SUMF1: variants seen among roughly 807,000 people sequenced by gnomAD.
The protein encoded by SUMF1 is sulfatase modifying factor 1, also known as formylglycine-generating enzyme.
Under a neutral mutation model 47.6 loss-of-function variants are expected in SUMF1, and 48 were observed. The observed-to-expected ratio is 1.01, with a 90% CI of 0.80 to 1.28. The LOEUF is 1.28. Among genes scored for constraint, SUMF1 ranks in the 50% most tolerant of loss-of-function variants. The pLI is 0.00. For missense variants in SUMF1, 571 were observed against 485.4 expected, an observed-to-expected ratio of 1.18 and a Z score of -1.66; for synonymous variants, 230 against 192.1, an observed-to-expected ratio of 1.20 and a Z score of -1.63.
At chr3:4,370,092 A>C (rs1284277596) in intron 8 of SUMF1, among the ~76,000 whole-genome samples, 11 of 152,184 alleles carry the variant, frequency 7.2e-5, no homozygotes, top group Admixed American at 6.5e-5. Flanking sequence ...TGCAGGAAGG[A>C]AAATAGGGAA....
At chr3:4,108,494 T>G (rs993746464) in intron 8 of SUMF1, among the ~76,000 whole-genome samples, 25 of 152,022 alleles carry the variant, frequency 1.6e-4, no homozygotes, top group Admixed American at 5.9e-4. Context: ...CTTTCTGTCT[T>G]GTTGATCTGT....
chr3:4,320,391 G>A (rs1018079096), intron 8 of SUMF1, among the ~76,000 whole-genome samples: 11 of 152,180 alleles, frequency 7.2e-5, no homozygotes, highest in African/African-American at 2.7e-4. Flanking sequence ...TCCCTCTGGA[G>A]GTTTGATAAT....
chr3:4,316,236 A>C (rs1430488144), intron 8 of SUMF1: 2 of 734,108 alleles, frequency 2.7e-6, no homozygotes, highest in African/African-American at 3.5e-5. Context: ...GTTAGACAAA[A>C]AGCAAATTCG....
At chr3:4,065,218 C>T (rs1382120075) in intron 9 of SUMF1, among the ~76,000 whole-genome samples, 1 of 150,226 alleles carries the variant, frequency 6.7e-6, no homozygotes, top group Middle Eastern at 3.4e-3. Context: ...TTTCTCACTG[C>T]TTTTTTGCTT....
chr3:4,337,844 C>G (rs1699186821), intron 8 of SUMF1, among the ~76,000 whole-genome samples: 1 of 150,124 alleles, frequency 6.7e-6, no homozygotes, highest in African/African-American at 2.5e-5. Flanking sequence ...ATCTGTATCT[C>G]CTACCCAACT....
chr3:4,271,512 TAGATAG>T (rs889064311), intron 8 of SUMF1, among the ~76,000 whole-genome samples: 1 of 115,332 alleles, frequency 8.7e-6, no homozygotes, highest in African/African-American at 2.9e-5. Context: ...GATAGATAGA[TAGATAG>T]ATACAGAGAG....
chr3:4,258,596 T>TA lies in SUMF1; in HGVS notation c.1014+117733dup, dbSNP rs1420902036. ...TCACACCAGTTAGAATGGCAATCAC[T>TA]AAAAAATCAGGAAACAACAGGTGCT... On this transcript the variant is annotated intron_variant and NMD_transcript_variant, in intron 8 of 12. Coordinates refer to the SUMF1 transcript ENST00000448413. Among the ~76,000 whole-genome samples the TA allele has an allele frequency of 3.9e-5, 6 of 152,182 alleles. No individual in the cohort carries two copies. In the East Asian group the frequency reaches 9.7e-4, roughly 24 times the overall value.
intron 8 of SUMF1, among the ~76,000 whole-genome samples, chr3:4,286,189 T>C (rs1474285513): frequency 6.6e-6 from 1 of 152,092 alleles, no homozygotes; most frequent in East Asian, 1.9e-4. Flanking sequence ...GTAATAAGTA[T>C]GTAGCTTTTT....
chr3:4,289,561 A>G (rs1329136433), intron 8 of SUMF1, among the ~76,000 whole-genome samples: 2 of 152,164 alleles, frequency 1.3e-5, no homozygotes, highest in Non-Finnish European at 2.9e-5. Flanking sequence ...GCAAGTATAT[A>G]TCTTAATTAT....
At chr3:4,279,633 G>A (rs547852412) in intron 8 of SUMF1, among the ~76,000 whole-genome samples, 1 of 152,082 alleles carries the variant, frequency 6.6e-6, no homozygotes, top group Admixed American at 6.5e-5. Flanking sequence ...GTTCATCACA[G>A]CAGAGCTGGA....
At chr3:4,127,305 T>C (rs893935904) in intron 8 of SUMF1, among the ~76,000 whole-genome samples, 4 of 152,232 alleles carry the variant, frequency 2.6e-5, no homozygotes, top group South Asian at 2.1e-4. Context: ...GTGGTTAATA[T>C]TGGGTGTCAA....
Position 4,169,678 on chromosome 3 carries a change from C to T in SUMF1, c.1015-100933G>A, listed in dbSNP as rs185091577. Among the ~76,000 whole-genome samples the T allele has an allele frequency of 5.3e-5, 8 of 152,248 alleles. No homozygotes were observed. The East Asian group carries it at 1.5e-3, about 29-fold the overall frequency. On this transcript the variant is annotated intron_variant and NMD_transcript_variant, in intron 8 of 12. Transcript: ENST00000448413. ...AATGCAATCACCGTTACCAATACCCCGTTTGGGGCTGACAATCTGCAGTGA... is the reference window on the plus strand; with the variant it reads ...AATGCAATCACCGTTACCAATACCCTGTTTGGGGCTGACAATCTGCAGTGA...
At chr3:4,245,934 G>C (rs899871810) in intron 8 of SUMF1, among the ~76,000 whole-genome samples, 2 of 151,816 alleles carry the variant, frequency 1.3e-5, no homozygotes, top group African/African-American at 4.8e-5. Flanking sequence ...TTTACACTGA[G>C]CATAGAACTG....
Position 4,417,241 on chromosome 3 carries a change from GTC to G in SUMF1, c.726-1_726del, listed in dbSNP as rs1575196325. ...TGCAGTTTGTTGCCCCAGGGGAAAAGTCTGTCAGAAGAGACACAGGCATCAGC... is the reference window on the plus strand; with the variant it reads ...TGCAGTTTGTTGCCCCAGGGGAAAAGTGTCAGAAGAGACACAGGCATCAGC... On this transcript the variant is annotated splice_acceptor_variant and coding_sequence_variant, in exon 6 of 9. Coordinates refer to ENST00000272902, the MANE Select transcript of SUMF1 (RefSeq NM_182760.4). LOFTEE classifies it high-confidence loss of function. The G allele has an allele frequency of 5.6e-6, 9 of 1,613,764 alleles. No homozygotes were observed. Among genetic ancestry groups the G allele is most frequent in the Non-Finnish European group, 6.8e-6 (8 of 1,179,828 alleles).
chr3:4,464,999 G>T (rs144482119), intron 1 of SUMF1, among the ~76,000 whole-genome samples: 40 of 152,274 alleles, frequency 2.6e-4, no homozygotes, highest in African/African-American at 8.9e-4. Context: ...TAATCCAAAA[G>T]ATTCTAACAT....
At chr3:4,322,175 G>A (rs1161924428) in intron 8 of SUMF1, among the ~76,000 whole-genome samples, 2 of 152,094 alleles carry the variant, frequency 1.3e-5, no homozygotes, top group African/African-American at 4.8e-5. Context: ...GTAATGTGGT[G>A]TCCTGGATGA....
intron 8 of SUMF1, among the ~76,000 whole-genome samples, chr3:4,116,466 TGAA>T (rs1693426732): frequency 6.6e-6 from 1 of 152,154 alleles, no homozygotes; most frequent in Non-Finnish European, 1.5e-5. Context: ...GATGGAGGTG[TGAA>T]GAAGCTTTTG....
chr3:4,456,592 C>T (rs1575247267), intron 1 of SUMF1, among the ~76,000 whole-genome samples: 1 of 142,274 alleles, frequency 7.0e-6, no homozygotes, highest in South Asian at 2.2e-4. Context: ...GCTGGGAGTA[C>T]AGGCACCCGC....
intron 8 of SUMF1, among the ~76,000 whole-genome samples, chr3:4,202,108 T>C (rs920226503): frequency 1.3e-5 from 2 of 152,126 alleles, no homozygotes; most frequent in Non-Finnish European, 2.9e-5. Flanking sequence ...TTTAACTTTA[T>C]GAGATCTCAT....
Sources: allele counts gnomAD v4.1 joint callset (sites outside exome capture counted in the v4.1 genomes callset), GRCh38; gene constraint gnomAD v4.1.1; transcripts MANE v1.5; gene names NCBI Gene and HGNC (gene_info 2026-07-23, HGNC 2026-07-21).